The following SLC9A9 variants were observed in gnomAD, a reference collection of about 807,000 sequenced individuals.
SLC9A9 encodes sodium/hydrogen exchanger 9.
In SLC9A9, 62 loss-of-function variants were observed where a neutral mutation model predicts 77.8. The observed-to-expected ratio is 0.80, with a 90% CI of 0.65 to 0.98. SLC9A9 has a LOEUF of 0.98. SLC9A9 is among the 50% of genes least tolerant of loss of function. The pLI is 0.00. For missense variants in SLC9A9, 775 were observed against 774.9 expected (o/e 1.00, Z 0.00); for synonymous variants, 320 against 283.5 (o/e 1.13, Z -1.29).
intron 12 of SLC9A9, among the ~76,000 whole-genome samples, chr3:143,411,673 T>G (rs2034098575): frequency 6.6e-6 from 1 of 152,228 alleles, no homozygotes; most frequent in South Asian, 2.1e-4. Flanking sequence ...TATTAATGTC[T>G]TCTCTCTTTC....
At chr3:143,443,307 G>A (rs768941320) in intron 12 of SLC9A9, among the ~76,000 whole-genome samples, 60 of 152,052 alleles carry the variant, frequency 3.9e-4, no homozygotes, top group Admixed American at 3.3e-4. Flanking sequence ...CCTTGCCCAT[G>A]TGCCTGCTAT....
rs78892507 is a variant in SLC9A9 at position 143,587,703 on chromosome 3, G to A, written c.756-8980C>T. On this transcript the variant is annotated intron_variant, in intron 6 of 15. Transcript: ENST00000316549. ...GACAGGGGTGTGATGGAATATTCCA[G>A]GTGAAGTCTATGTTAGTTACAGTGG... is the stretch of plus-strand genomic sequence containing the variant. Among the ~76,000 whole-genome samples the A allele has an allele frequency of 3.1e-3, 476 of 152,352 alleles. 2 individuals are homozygous for A. Among genetic ancestry groups the A allele is most frequent in the African/African-American group, 9.8e-3 (407 of 41,582 alleles).
intron 2 of SLC9A9, among the ~76,000 whole-genome samples, chr3:143,817,162 G>A (rs1421474134): frequency 7.7e-6 from 1 of 130,038 alleles, no homozygotes. Flanking sequence ...TTTTTTTTGA[G>A]ACGGAGTCTC....
chr3:143,352,773 T>C (rs1488528937), intron 14 of SLC9A9, among the ~76,000 whole-genome samples: 2 of 152,248 alleles, frequency 1.3e-5, no homozygotes, highest in Non-Finnish European at 2.9e-5. Context: ...ACAATTTGTC[T>C]ACATTTTTAT....
In SLC9A9 at chr3:143,805,801, G is replaced by T. The variant is rs557359864; in HGVS notation, c.379-8898C>A. Among the ~76,000 whole-genome samples, 110 of 151,890 alleles carry T rather than the reference G, an allele frequency of 7.2e-4. 1 individual carries two copies. Among genetic ancestry groups the T allele is most frequent in the African/African-American group, 2.6e-3 (106 of 41,414 alleles). On this transcript the variant is annotated intron_variant, in intron 2 of 15. Coordinates refer to ENST00000316549, the MANE Select transcript of SLC9A9 (RefSeq NM_173653.4). ...TTACCTACCCAAATCCTATAAAACGGCCCCACCCCTATCTCCCTTCGCTAA... is the reference window on the plus strand; with the variant it reads ...TTACCTACCCAAATCCTATAAAACGTCCCCACCCCTATCTCCCTTCGCTAA...
chr3:143,405,839 C>T (rs774127543), intron 12 of SLC9A9, among the ~76,000 whole-genome samples: 1 of 152,200 alleles, frequency 6.6e-6, no homozygotes, highest in Non-Finnish European at 1.5e-5. Flanking sequence ...ACAAATGTCA[C>T]AAACTTGACA....
At chr3:143,774,076 C>A (rs2007616520) in intron 4 of SLC9A9, among the ~76,000 whole-genome samples, 2 of 152,150 alleles carry the variant, frequency 1.3e-5, no homozygotes, top group Non-Finnish European at 2.9e-5. Flanking sequence ...GCCAAAAATG[C>A]ATATAAGGCA....
chr3:143,672,780 T>C (rs2039178826), intron 5 of SLC9A9, among the ~76,000 whole-genome samples: 1 of 152,228 alleles, frequency 6.6e-6, no homozygotes, highest in African/African-American at 2.4e-5. Flanking sequence ...CCATTATTTA[T>C]GCAGATGTTC....
At chr3:143,396,104 T>C (rs1226049057) in intron 12 of SLC9A9, among the ~76,000 whole-genome samples, 1 of 152,188 alleles carries the variant, frequency 6.6e-6, no homozygotes, top group Non-Finnish European at 1.5e-5. Flanking sequence ...ACTGGGTATA[T>C]ACCCAAAGGA....
At chr3:143,373,706 T>C (rs2033111015) in intron 13 of SLC9A9, among the ~76,000 whole-genome samples, 1 of 150,628 alleles carries the variant, frequency 6.6e-6, no homozygotes, top group African/African-American at 2.4e-5. Context: ...TAAAGGCAGA[T>C]TGGATACTAA....
rs1035142222 is a variant in SLC9A9 at position 143,482,311 on chromosome 3, T to C, written c.1315+11342A>G. 3.9e-5 allele frequency among the ~76,000 whole-genome samples: 6 copies of C among 152,362 alleles called. No individual in the cohort carries two copies. The East Asian group carries it at 9.6e-4, about 24-fold the overall frequency. On this transcript the variant is annotated intron_variant, in intron 11 of 15. Coordinates refer to ENST00000316549, the MANE Select transcript of SLC9A9 (RefSeq NM_173653.4). The stretch of plus-strand genomic sequence containing the variant: ...GAGTCAGGAACATTAATAGCACAGC[T>C]TGGCAACAGTTAGTGCTGCTGTTTC...
chr3:143,322,328 G>C (rs6799793), intron 14 of SLC9A9, among the ~76,000 whole-genome samples: 28,243 of 152,076 alleles, frequency 0.19, 2,687 homozygotes, highest in Admixed American at 0.25. Context: ...CTGAGGAAGA[G>C]AGTCTTCAAT....
chr3:143,386,571 T>C (rs1272688549), intron 12 of SLC9A9, among the ~76,000 whole-genome samples: 1 of 152,244 alleles, frequency 6.6e-6, no homozygotes, highest in Non-Finnish European at 1.5e-5. Flanking sequence ...GGACCTGTTA[T>C]ATAGTAAGTT....
In SLC9A9 at chr3:143,636,289, C is replaced by T. The variant is rs750651995; in HGVS notation, c.755+15966G>A. 7.9e-5 allele frequency among the ~76,000 whole-genome samples: 12 copies of T among 152,268 alleles called. No individual in the cohort carries two copies. The South Asian group carries it at 1.0e-3, about 13-fold the overall frequency. On this transcript the variant is annotated intron_variant, in intron 6 of 15. Coordinates refer to ENST00000316549, the MANE Select transcript of SLC9A9 (RefSeq NM_173653.4). ...TTATGAATAAAACTGTTTTCCATTA[C>T]ATGTTATCATTAATTGTTGCTGAAG...
chr3:143,535,310 A>G (rs1282988152), intron 9 of SLC9A9, among the ~76,000 whole-genome samples: 3 of 152,216 alleles, frequency 2.0e-5, no homozygotes, highest in African/African-American at 7.2e-5. Context: ...TCTATATCAC[A>G]AAATCCACTA....
chr3:143,269,890 G>C (rs1937851577), intron 14 of SLC9A9, among the ~76,000 whole-genome samples: 1 of 152,232 alleles, frequency 6.6e-6, no homozygotes, highest in Non-Finnish European at 1.5e-5. Context: ...CTCAGGGCAT[G>C]AGATGATCTT....
intron 9 of SLC9A9, among the ~76,000 whole-genome samples, chr3:143,508,076 A>C (rs1200972251): frequency 6.6e-6 from 1 of 152,212 alleles, no homozygotes; most frequent in Non-Finnish European, 1.5e-5. Context: ...AAAAAAGGAA[A>C]TATTTCTAAT....
At chr3:143,607,702 A>G (rs1460548202) in intron 6 of SLC9A9, among the ~76,000 whole-genome samples, 1 of 152,038 alleles carries the variant, frequency 6.6e-6, no homozygotes, top group African/African-American at 2.4e-5. Flanking sequence ...TAGAGAATTC[A>G]ATAATCAATC....
chr3:143,790,286 C>T (rs2008181646), intron 4 of SLC9A9, among the ~76,000 whole-genome samples: 1 of 152,176 alleles, frequency 6.6e-6, no homozygotes, highest in Non-Finnish European at 1.5e-5. Context: ...TATTTCTTCA[C>T]TGCAACATGA....
Sources: allele counts gnomAD v4.1 joint callset (sites outside exome capture counted in the v4.1 genomes callset), GRCh38; gene constraint gnomAD v4.1.1; transcripts MANE v1.5; gene names NCBI Gene and HGNC (gene_info 2026-07-23, HGNC 2026-07-21).